Variants in VPS13B observed in about 807,000 individuals in gnomAD.
The protein encoded by VPS13B is intermembrane lipid transfer protein VPS13B.
VPS13B carries 285 observed loss-of-function variants against 426.4 expected under a neutral mutation model. The observed-to-expected ratio is 0.67, with a 90% CI of 0.61 to 0.74. The LOEUF (loss-of-function observed/expected upper bound fraction) is 0.74, where lower values mean the gene tolerates loss of function less well. VPS13B is among the 30% of genes least tolerant of loss of function. The probability of loss-of-function intolerance (pLI) is 0.00; values close to 1 mark genes in which losing one functional copy is unlikely to be tolerated. For missense variants in VPS13B, 4,537 were observed against 4,782.6 expected (o/e 0.95, Z 1.51); for synonymous variants, 1,676 against 1,676.4 (o/e 1.00, Z 0.01).
At chr8:99,541,289 A>G (rs537880767) in intron 30 of VPS13B, among the ~76,000 whole-genome samples, 4 of 152,258 alleles carry the variant, frequency 2.6e-5, no homozygotes, top group African/African-American at 9.6e-5. Context: ...AGCTTTTGAT[A>G]TGGTACTAAA....
intron 8 of VPS13B, among the ~76,000 whole-genome samples, chr8:99,134,293 A>G (rs1469337456): frequency 1.3e-5 from 2 of 152,228 alleles, no homozygotes; most frequent in African/African-American, 2.4e-5. Context: ...TGAATATAAA[A>G]TGAACTGAGG....
At chr8:99,874,356 G>A (rs755379090) in intron 61 of VPS13B, among the ~76,000 whole-genome samples, 1 of 152,172 alleles carries the variant, frequency 6.6e-6, no homozygotes, top group Non-Finnish European at 1.5e-5. Flanking sequence ...TTTTCCCCAA[G>A]CTTAAAAACA....
chr8:99,746,688 G>A (rs568229988), intron 39 of VPS13B, among the ~76,000 whole-genome samples: 12 of 152,224 alleles, frequency 7.9e-5, no homozygotes, highest in African/African-American at 2.6e-4. Context: ...GGTTTGGAGG[G>A]TTGTTTTATG....
At chr8:99,141,880 TAAA>T (rs371079413) in intron 12 of VPS13B, among the ~76,000 whole-genome samples, 20 of 109,934 alleles carry the variant, frequency 1.8e-4, no homozygotes, top group Non-Finnish European at 3.3e-4. Flanking sequence ...CTGTCTCTAC[TAAA>T]AAAAAAAAAA....
chr8:99,136,618 G>A (rs776140789), intron 11 of VPS13B, 47 bp from the exon 12 acceptor site: 2 of 1,601,900 alleles, frequency 1.2e-6, no homozygotes, highest in South Asian at 2.2e-5. Context: ...AAACTCAAAA[G>A]TTTCTTTTAT....
At chr8:99,745,250 T>C (rs1810022972) in intron 39 of VPS13B, among the ~76,000 whole-genome samples, 1 of 152,156 alleles carries the variant, frequency 6.6e-6, no homozygotes, top group Non-Finnish European at 1.5e-5. Context: ...AAGTTTCTTG[T>C]TCTATATGTG....
At chr8:99,804,713 C>T (rs942761829) in intron 43 of VPS13B, among the ~76,000 whole-genome samples, 5 of 151,968 alleles carry the variant, frequency 3.3e-5, no homozygotes, top group South Asian at 2.1e-4. Flanking sequence ...ATAAATGGGC[C>T]GGGTTCAATA....
chr8:99,554,215 T>C (rs1824428808), intron 30 of VPS13B, among the ~76,000 whole-genome samples: 1 of 152,160 alleles, frequency 6.6e-6, no homozygotes, highest in African/African-American at 2.4e-5. Flanking sequence ...TGTTTTCATT[T>C]TTTTTCCTTC....
At chr8:99,500,369 A>C (rs975660211) in intron 25 of VPS13B, among the ~76,000 whole-genome samples, 1 of 152,094 alleles carries the variant, frequency 6.6e-6, no homozygotes, top group African/African-American at 2.4e-5. Context: ...GTGAGTGAAA[A>C]ATTTCTTAAG....
At chr8:99,433,310 A>G (rs1817209648) in intron 22 of VPS13B, among the ~76,000 whole-genome samples, 1 of 152,212 alleles carries the variant, frequency 6.6e-6, no homozygotes, top group Non-Finnish European at 1.5e-5. Context: ...CCAGGTGTCC[A>G]GGGCTTACCA....
In VPS13B at chr8:99,556,584, C is replaced by T; in HGVS notation, c.4880C>T (p.Ser1627Leu). ...CTAAAACCAGAGAAGGAAAGTGTCT[C>T]AGGAGGGGTGGTAACAGAGACTGAA... ...HQLKPEKESVSGGVVTETERN... is the reference protein window; with the variant it reads ...HQLKPEKESVLGGVVTETERN... Residue 1627 changes from serine (S) to leucine (L), a missense_variant, in exon 31 of 62, where the codon TCA (serine) becomes TTA (leucine). By Grantham distance (145) the Ser-to-Leu change is moderately radical (BLOSUM62 -2). Transcript: ENST00000357162. 6.2e-7 allele frequency: 1 copy of T among 1,613,176 alleles called. No homozygotes were observed. Among genetic ancestry groups the T allele is most frequent in the Non-Finnish European group, 8.5e-7 (1 of 1,179,472 alleles).
chr8:99,338,315 C>A (rs761474827), intron 19 of VPS13B, among the ~76,000 whole-genome samples: 5 of 152,024 alleles, frequency 3.3e-5, no homozygotes, highest in African/African-American at 1.2e-4. Flanking sequence ...AATATTGAGT[C>A]TTTAATCCTT....
At chr8:99,495,968 A>G (rs549670604) in intron 25 of VPS13B, among the ~76,000 whole-genome samples, 13 of 152,340 alleles carry the variant, frequency 8.5e-5, no homozygotes, top group African/African-American at 2.9e-4. Context: ...CTAAGTTATT[A>G]AGACATAGTC....
In VPS13B at chr8:99,507,969, G is replaced by A. The variant is rs538969454; in HGVS notation, c.4224+766G>A. On this transcript the variant is annotated intron_variant, in intron 28 of 61. Transcript: ENST00000357162. ...TCCCATTAACAGGAACCCAGAGAAG[G>A]AATTGAATGATTCATAGAGTCAACT... is the stretch of plus-strand genomic sequence containing the variant. The A allele has an allele frequency of 3.8e-4, 611 of 1,610,234 alleles. 5 individuals carry two copies. In the South Asian group the frequency reaches 6.4e-3, roughly 17 times the overall value.
Position 99,038,549 on chromosome 8 carries a change from C to A in VPS13B, c.274C>A (p.Leu92Ile). ...CAATACTATGGAATGCATTTTGAAA[C>A]TTAAGGATGGGATACAGGTAAGAAA... is the stretch of plus-strand genomic sequence containing the variant. ...TINTMECILKLKDGIQDDHES... is the reference protein window; with the variant it reads ...TINTMECILKIKDGIQDDHES... The change falls in exon 3 of 62, where the codon CTT becomes ATT. Residue 92 changes from leucine to isoleucine, a missense_variant. Leu to Ile is a conservative substitution (Grantham distance 5, BLOSUM62 2). This residue lies in a region of VPS13B where 226 missense variants were observed against 308.3 expected (regional missense o/e 0.73). Coordinates refer to ENST00000357162, the MANE Select transcript of VPS13B (RefSeq NM_152564.5). The A allele has an allele frequency of 6.2e-7, 1 of 1,612,534 alleles. No individual in the cohort carries two copies. The highest frequency in any genetic ancestry group is 8.5e-7 in the Non-Finnish European group (1 of 1,179,208).
chr8:99,420,931 A>G (rs573519915), intron 21 of VPS13B, among the ~76,000 whole-genome samples: 9 of 152,304 alleles, frequency 5.9e-5, no homozygotes, highest in African/African-American at 2.2e-4. Flanking sequence ...TTCTTTACAT[A>G]ATCAATGATT....
chr8:99,455,792 AT>A (rs1266432958), intron 23 of VPS13B, among the ~76,000 whole-genome samples: 2 of 152,174 alleles, frequency 1.3e-5, no homozygotes, highest in African/African-American at 2.4e-5. Flanking sequence ...GATGTAGCAT[AT>A]ATCAGTAGTG....
At position 99,709,922 on chromosome 8, in the gene VPS13B, T is replaced by G. The variant is rs374376825; in HGVS notation, c.6455-7249T>G. Among the ~76,000 whole-genome samples, 68 of 152,310 alleles carry G rather than the reference T, an allele frequency of 4.5e-4. 1 individual carries two copies. The highest frequency in any genetic ancestry group is 1.5e-3 in the African/African-American group (64 of 41,558). On this transcript the variant is annotated intron_variant, in intron 36 of 61. Transcript: ENST00000357162. ...AAGTTATTAACATTGACAAGCTGGA[T>G]GAAGGATATCAACTTTTCTGAAAGC...
chr8:99,260,988 C>A (rs982255603), intron 17 of VPS13B, among the ~76,000 whole-genome samples: 7 of 151,754 alleles, frequency 4.6e-5, no homozygotes, highest in African/African-American at 1.7e-4. Flanking sequence ...TTTAGGTTCA[C>A]AGTACAATTG....
Sources: gnomAD v4.1 joint callset for allele counts (sites outside exome capture counted in the v4.1 genomes callset) on GRCh38, gnomAD v4.1.1 for gene constraint, gnomAD v4.1.1 regional missense constraint, MANE v1.5 for transcripts, NCBI Gene and HGNC (gene_info 2026-07-23, HGNC 2026-07-21) for gene names.